Variants in USP34 observed in about 807,000 individuals in gnomAD.
USP34 encodes the protein ubiquitin carboxyl-terminal hydrolase 34.
A neutral mutation model predicts 460.3 loss-of-function variants in USP34; 70 were observed. The observed-to-expected ratio is 0.15, with a 90% CI of 0.13 to 0.19. USP34 has a LOEUF of 0.19. Among genes scored for constraint, USP34 ranks in the 10% least tolerant of loss-of-function variants. The probability of loss-of-function intolerance (pLI) is 1.00; values close to 1 mark genes in which losing one functional copy is unlikely to be tolerated. For missense variants in USP34, 3,985 were observed against 4,236.2 expected (o/e 0.94, Z 1.65); for synonymous variants, 1,647 against 1,405.3 (o/e 1.17, Z -3.85).
chr2:61,425,642 A>G (rs1433229949), intron 1 of USP34, among the ~76,000 whole-genome samples: 1 of 151,902 alleles, frequency 6.6e-6, no homozygotes, highest in African/African-American at 2.4e-5. Context: ...GGGCTACAGC[A>G]CTCCATGTTT....
At chr2:61,338,807 C>G (rs951850670) in intron 18 of USP34, among the ~76,000 whole-genome samples, 1 of 151,850 alleles carries the variant, frequency 6.6e-6, no homozygotes, top group Non-Finnish European at 1.5e-5. Context: ...AAAACAAAAA[C>G]CAAAAAACAA....
chr2:61,464,617 C>T (rs576520145), intron 1 of USP34, among the ~76,000 whole-genome samples: 1 of 145,788 alleles, frequency 6.9e-6, no homozygotes, highest in South Asian at 2.2e-4. Flanking sequence ...GTACACCAGG[C>T]GTGGTGGCTC....
At chr2:61,301,645 CCTTCAA>C (rs1572914209) in intron 27 of USP34, among the ~76,000 whole-genome samples, 191 bp from the exon 28 acceptor site, 1 of 152,220 alleles carries the variant, frequency 6.6e-6, no homozygotes, top group South Asian at 2.1e-4. Flanking sequence ...GCTGCCTACA[CCTTCAA>C]CTTCATTTCC....
At chr2:61,268,680 T>C (rs1469135239) in intron 41 of USP34, among the ~76,000 whole-genome samples, 1 of 152,048 alleles carries the variant, frequency 6.6e-6, no homozygotes, top group Non-Finnish European at 1.5e-5. Flanking sequence ...AAATTCAATT[T>C]AAAAAGTTAT....
At chr2:61,271,048 C>T (rs1258559957) in intron 41 of USP34, among the ~76,000 whole-genome samples, 2 of 152,024 alleles carry the variant, frequency 1.3e-5, no homozygotes, top group Admixed American at 6.6e-5. Flanking sequence ...CACTGGGAGG[C>T]TAAGGTGGGC....
chr2:61,227,128 C>G lies in USP34; in HGVS notation c.7534G>C (p.Ala2512Pro). ...AAAGCTATCATCTTTTCAAGGGCAG[C>G]TGGCCTGTATTTTTCTTCTGCCAGA... The part of the protein sequence containing the change: ...LSLAEEKYRP[A>P]ALEKMIALVA... Residue 2512 changes from alanine (A) to proline (P), a missense_variant, in exon 62 of 80, where the codon GCT becomes CCT. Ala to Pro is a conservative substitution (Grantham distance 27). Around this residue, in one of 14 missense-constraint regions of USP34, gnomAD observed 604 missense variants for 684.8 expected, o/e 0.88. Transcript: ENST00000398571. The G allele has an allele frequency of 6.2e-7, 1 of 1,613,974 alleles. No homozygotes were observed. Among genetic ancestry groups the G allele is most frequent in the Non-Finnish European group, 8.5e-7 (1 of 1,179,986 alleles).
chr2:61,250,312 G>T, intron 48 of USP34: 1 of 184,382 alleles, frequency 5.4e-6, no homozygotes, highest in South Asian at 1.0e-4. Context: ...ATTGGACATG[G>T]GATTGGTTGA....
At chr2:61,453,133 G>A (rs1234419281) in intron 1 of USP34, among the ~76,000 whole-genome samples, 2 of 152,058 alleles carry the variant, frequency 1.3e-5, no homozygotes, top group Admixed American at 1.3e-4. Context: ...CATCTAGGCT[G>A]GGCACTGTGG....
chr2:61,314,729 T>C lies in USP34; in HGVS notation c.3398A>G (p.Glu1133Gly). Reference protein sequence around the residue: ...SYYINGKTGLEKEQEFISKCM... With the variant: ...SYYINGKTGLGKEQEFISKCM... ...CTTACTAATAAATTCTTGCTCCTTC[T>C]CCAAACCTGTTTTACCTGAAAGCCA... Residue 1133 changes from glutamate to glycine, a missense_variant, in exon 25 of 80, where the codon GAG becomes GGG. Glu to Gly is a moderately conservative substitution (Grantham distance 98, BLOSUM62 -2). Around this residue, in one of 14 missense-constraint regions of USP34, gnomAD observed 1,114 missense variants for 1,122.5 expected, o/e 0.99. Transcript: ENST00000398571. 4 of 1,581,406 alleles carry C rather than the reference T, an allele frequency of 2.5e-6. No homozygotes were observed. Among genetic ancestry groups the C allele is most frequent in the Non-Finnish European group, 3.4e-6 (4 of 1,168,380 alleles).
chr2:61,323,371 G>A (rs1294486658), intron 21 of USP34, among the ~76,000 whole-genome samples: 5 of 152,084 alleles, frequency 3.3e-5, no homozygotes, highest in Non-Finnish European at 7.4e-5. Context: ...AAAGTTAGCT[G>A]GGTGTGGTGG....
chr2:61,264,765 T>C (rs1572883695), intron 43 of USP34, among the ~76,000 whole-genome samples: 1 of 152,230 alleles, frequency 6.6e-6, no homozygotes, highest in East Asian at 1.9e-4. Context: ...GGCTCACACC[T>C]GTAATCCCAG....
chr2:61,275,270 C>T lies in USP34; in HGVS notation c.5433+2895G>A, dbSNP rs550931946. The stretch of plus-strand genomic sequence containing the variant: ...GTCCAGCCTGGGTGACAGAGCCAGA[C>T]CCCGTCTCAAAGATAATAACAATAA... On this transcript the variant is annotated intron_variant, in intron 41 of 79. Coordinates refer to ENST00000398571, the MANE Select transcript of USP34 (RefSeq NM_014709.4). 7.8e-4 allele frequency among the ~76,000 whole-genome samples: 118 copies of T among 152,106 alleles called. 1 individual carries two copies. The highest frequency in any genetic ancestry group is 2.5e-3 in the African/African-American group (105 of 41,482).
chr2:61,202,381 T>C (rs948158142), intron 75 of USP34, among the ~76,000 whole-genome samples: 1 of 152,034 alleles, frequency 6.6e-6, no homozygotes, highest in Non-Finnish European at 1.5e-5. Context: ...TCCTGGCCCA[T>C]CCCTAATGAA....
At chr2:61,229,674 A>G in intron 58 of USP34, 41 bp from the exon 59 acceptor site, 1 of 1,523,974 alleles carries the variant, frequency 6.6e-7, no homozygotes, top group Non-Finnish European at 9.0e-7. Context: ...CCAACTCATC[A>G]GGTAACAAAG....
chr2:61,423,025 T>C (rs1459319747), intron 1 of USP34, among the ~76,000 whole-genome samples: 2 of 152,148 alleles, frequency 1.3e-5, no homozygotes, highest in African/African-American at 4.8e-5. Context: ...TGAGACCCCC[T>C]CTCAAAAACA....
intron 5 of USP34, among the ~76,000 whole-genome samples, chr2:61,391,802 A>G (rs1327781098): frequency 6.6e-6 from 1 of 152,212 alleles, no homozygotes; most frequent in Non-Finnish European, 1.5e-5. Flanking sequence ...AATGTACACT[A>G]AAATATTAAC....
intron 15 of USP34, among the ~76,000 whole-genome samples, chr2:61,344,805 T>G (rs1055654806): frequency 6.6e-6 from 1 of 152,202 alleles, no homozygotes; most frequent in African/African-American, 2.4e-5. Context: ...TGGTTCCCAA[T>G]CAGGGGTGAA....
At chr2:61,449,450 A>G (rs72886881) in intron 1 of USP34, among the ~76,000 whole-genome samples, 120 of 152,090 alleles carry the variant, frequency 7.9e-4, no homozygotes, top group African/African-American at 2.7e-3. Context: ...AGAAGTTTTC[A>G]AGTTGATCCT....
At chr2:61,385,190 C>T (rs1693098747) in intron 5 of USP34, among the ~76,000 whole-genome samples, 1 of 152,092 alleles carries the variant, frequency 6.6e-6, no homozygotes, top group Admixed American at 6.5e-5. Flanking sequence ...ACAAGATACA[C>T]ACCTCTACAT....
Sources: gnomAD v4.1 joint callset for allele counts (sites outside exome capture counted in the v4.1 genomes callset) on GRCh38, gnomAD v4.1.1 for gene constraint, gnomAD v4.1.1 regional missense constraint, MANE v1.5 for transcripts, NCBI Gene and HGNC (gene_info 2026-07-23, HGNC 2026-07-21) for gene names.